The following TBC1D32 variants were observed in gnomAD, a reference collection of about 807,000 sequenced individuals.
TBC1D32 encodes protein broad-minded.
A neutral mutation model predicts 170.3 loss-of-function variants in TBC1D32; 151 were observed. The ratio of observed to expected loss-of-function variants is 0.89; its 90% CI spans 0.78 to 1.01. The LOEUF is 1.01. Ranked by LOEUF, TBC1D32 falls within the 50% of genes least tolerant of loss-of-function variation. The probability of loss-of-function intolerance (pLI) is 0.00; values close to 1 mark genes in which losing one functional copy is unlikely to be tolerated. For synonymous variants in TBC1D32, 498 were observed against 488.0 expected (o/e 1.02, Z -0.27); for missense variants, 1,464 against 1,457.1 (o/e 1.00, Z -0.08).
At position 121,205,110 on chromosome 6, in the gene TBC1D32, T is replaced by G; in HGVS notation, c.2535A>C (p.Leu845Phe). 1 of 1,534,836 alleles carries G rather than the reference T, an allele frequency of 6.5e-7. No individual in the cohort carries two copies. The highest frequency in any genetic ancestry group is 8.8e-7 in the Non-Finnish European group (1 of 1,132,128). Residue 845 changes from leucine to phenylalanine, a missense_variant, in exon 22 of 32, where the codon TTA (leucine) becomes TTC (phenylalanine). Coordinates refer to ENST00000398212, the MANE Select transcript of TBC1D32 (RefSeq NM_152730.6). Reference protein sequence around the residue: ...ILNSEAKIRSLFNYEQSHIFG... With the variant: ...ILNSEAKIRSFFNYEQSHIFG... ...AGATATGTGATTGTTCATAGTTGAA[T>G]AAAGAACGAATCTTAGCTTCAGAAT...
chr6:121,113,983 G>C (rs1209013978), intron 27 of TBC1D32, among the ~76,000 whole-genome samples: 2 of 152,130 alleles, frequency 1.3e-5, no homozygotes, highest in African/African-American at 2.4e-5. Flanking sequence ...AGACCAGCCT[G>C]ACCAACATGG....
chr6:121,108,604 A>G (rs1030940850), intron 29 of TBC1D32, among the ~76,000 whole-genome samples: 1 of 152,144 alleles, frequency 6.6e-6, no homozygotes, highest in African/African-American at 2.4e-5. Flanking sequence ...TTACAACAAA[A>G]CACTCTTCAG....
At position 121,131,779 on chromosome 6, in the gene TBC1D32, T is replaced by C; in HGVS notation, c.2774-27A>G. Reference sequence around the variant, plus strand: ...TAATCAGAAAGATAACATACTATTATAATAAGACATGCTAGATATACTGAA... The same window carrying C: ...TAATCAGAAAGATAACATACTATTACAATAAGACATGCTAGATATACTGAA... On this transcript the variant is annotated intron_variant, in intron 24 of 31. Transcript: ENST00000398212. The C allele has an allele frequency of 3.2e-6, 5 of 1,539,152 alleles. No individual in the cohort carries two copies. The South Asian group carries it at 3.4e-5, about 11-fold the overall frequency.
intron 30 of TBC1D32, among the ~76,000 whole-genome samples, chr6:121,103,609 A>T (rs1778384694): frequency 6.7e-6 from 1 of 148,536 alleles, no homozygotes; most frequent in Non-Finnish European, 1.5e-5. Flanking sequence ...GGGGAGGGAT[A>T]GCTTTAGGAG....
chr6:121,182,603 T>A (rs1788676017), intron 22 of TBC1D32, among the ~76,000 whole-genome samples: 1 of 152,040 alleles, frequency 6.6e-6, no homozygotes, highest in Non-Finnish European at 1.5e-5. Context: ...AGCACTTGAG[T>A]AACAGAATTT....
chr6:121,238,896 T>C (rs1303230272), intron 20 of TBC1D32, among the ~76,000 whole-genome samples, 174 bp downstream of exon 20: 1 of 152,130 alleles, frequency 6.6e-6, no homozygotes, highest in African/African-American at 2.4e-5. Context: ...GGGATTTCTA[T>C]CATTTGCTAA....
chr6:121,234,181 C>A (rs193293741), intron 20 of TBC1D32, among the ~76,000 whole-genome samples: 14 of 152,180 alleles, frequency 9.2e-5, no homozygotes, highest in African/African-American at 3.4e-4. Context: ...ACCTGATGAC[C>A]ATATGCCTAG....
chr6:121,116,835 T>A (rs1779731131), intron 26 of TBC1D32, among the ~76,000 whole-genome samples: 1 of 152,210 alleles, frequency 6.6e-6, no homozygotes, highest in Admixed American at 6.5e-5. Context: ...GTCCTTTCAC[T>A]TTCCTAGAGT....
In TBC1D32 at chr6:121,100,938, A is replaced by C. The variant is rs930491880; in HGVS notation, c.3465+5085T>G. On this transcript the variant is annotated intron_variant, in intron 30 of 31. Coordinates refer to ENST00000398212, the MANE Select transcript of TBC1D32 (RefSeq NM_152730.6). The stretch of plus-strand genomic sequence containing the variant: ...CGATCCCACAGAAATACAAACTACC[A>C]TCAGAGAATACTATAAACAACTCTA... 2.6e-5 allele frequency among the ~76,000 whole-genome samples: 4 copies of C among 152,270 alleles called. No individual in the cohort carries two copies. The East Asian group carries it at 7.7e-4, about 29-fold the overall frequency.
intron 22 of TBC1D32, among the ~76,000 whole-genome samples, chr6:121,203,979 C>T (rs1791911326): frequency 6.7e-6 from 1 of 148,370 alleles, no homozygotes; most frequent in Non-Finnish European, 1.5e-5. Flanking sequence ...TCCATACAAG[C>T]AAGAAAATAT....
At chr6:121,153,203 G>A (rs1479744774) in intron 24 of TBC1D32, among the ~76,000 whole-genome samples, 1 of 152,106 alleles carries the variant, frequency 6.6e-6, no homozygotes, top group Non-Finnish European at 1.5e-5. Flanking sequence ...CCTTCTTGAT[G>A]TTGATGCCAT....
chr6:121,186,438 A>C (rs1789220425), intron 22 of TBC1D32, among the ~76,000 whole-genome samples: 1 of 152,082 alleles, frequency 6.6e-6, no homozygotes, highest in Non-Finnish European at 1.5e-5. Flanking sequence ...ATATAAAAAA[A>C]CAAAACTTAG....
intron 16 of TBC1D32, among the ~76,000 whole-genome samples, chr6:121,255,709 T>C (rs1333443531): frequency 1.3e-5 from 2 of 152,084 alleles, no homozygotes; most frequent in Non-Finnish European, 2.9e-5. Flanking sequence ...TCCACTGATA[T>C]ACACATATAT....
intron 22 of TBC1D32, among the ~76,000 whole-genome samples, chr6:121,198,433 G>A (rs813068): frequency 0.12 from 17,782 of 149,804 alleles, 1,855 homozygotes; most frequent in Admixed American, 0.23. Context: ...CTTAGGGCTG[G>A]ACATACAGAT....
chr6:121,332,722 A>G (rs1403717100), intron 1 of TBC1D32, among the ~76,000 whole-genome samples: 6 of 152,138 alleles, frequency 3.9e-5, no homozygotes, highest in Admixed American at 1.3e-4. Flanking sequence ...CACCCAGCCT[A>G]TATTTGAAAA....
At chr6:121,094,173 T>C (rs1405653505) in intron 30 of TBC1D32, among the ~76,000 whole-genome samples, 1 of 149,354 alleles carries the variant, frequency 6.7e-6, no homozygotes, top group Non-Finnish European at 1.5e-5. Flanking sequence ...AAGTAACTTC[T>C]GTATTTTTTT....
chr6:121,114,161 G>T (rs999941886), intron 27 of TBC1D32, among the ~76,000 whole-genome samples: 1 of 152,096 alleles, frequency 6.6e-6, no homozygotes, highest in Non-Finnish European at 1.5e-5. Context: ...GTGACAGAGC[G>T]AGATTCCATC....
intron 22 of TBC1D32, among the ~76,000 whole-genome samples, chr6:121,162,650 C>G (rs1202380227): frequency 6.6e-6 from 1 of 152,118 alleles, no homozygotes; most frequent in African/African-American, 2.4e-5. Context: ...CTAGAAAACC[C>G]CATCATCTCA....
intron 20 of TBC1D32, among the ~76,000 whole-genome samples, chr6:121,238,105 T>C (rs902857077): frequency 1.3e-5 from 2 of 152,148 alleles, no homozygotes; most frequent in Non-Finnish European, 2.9e-5. Flanking sequence ...GCAAAGTATA[T>C]ACACAGAGTT....
Sources: allele counts gnomAD v4.1 joint callset (sites outside exome capture counted in the v4.1 genomes callset), GRCh38; gene constraint gnomAD v4.1.1; transcripts MANE v1.5; gene names NCBI Gene and HGNC (gene_info 2026-07-23, HGNC 2026-07-21).